ROBO1: variants seen among roughly 807,000 people sequenced by gnomAD.
ROBO1 encodes the protein roundabout guidance receptor 1.
A neutral mutation model predicts 195.9 loss-of-function variants in ROBO1; 149 were observed. The observed-to-expected ratio is 0.76, with a 90% CI of 0.67 to 0.87. ROBO1 has a LOEUF of 0.87. Among genes scored for constraint, ROBO1 ranks in the 40% least tolerant of loss-of-function variants. The pLI is 0.00. For synonymous variants in ROBO1, 816 were observed against 733.2 expected (o/e 1.11, Z -1.82); for missense variants, 1,933 against 2,068.3 (o/e 0.93, Z 1.27).
At chr3:78,925,186 T>G (rs2039142024) in intron 4 of ROBO1, among the ~76,000 whole-genome samples, 1 of 152,152 alleles carries the variant, frequency 6.6e-6, no homozygotes, top group South Asian at 2.1e-4. Flanking sequence ...TTATTTCTAG[T>G]GATGTCCATC....
chr3:79,128,790 A>G (rs1188046639), intron 2 of ROBO1, among the ~76,000 whole-genome samples: 1 of 152,112 alleles, frequency 6.6e-6, no homozygotes, highest in Non-Finnish European at 1.5e-5. Context: ...TTCCAATTTT[A>G]TAATTAAGTC....
In ROBO1 at chr3:79,372,959, GT is replaced by G. The variant is rs139222508; in HGVS notation, c.88+216864del. On this transcript the variant is annotated intron_variant, in intron 2 of 30. Transcript: ENST00000464233. ...GTACATGCGCAGGTTTGTTATATGG[GT>G]TTATCAGGTAATACTGGGGTTTGGG... is the stretch of plus-strand genomic sequence containing the variant. Among the ~76,000 whole-genome samples, 571 of 151,736 alleles carry G rather than the reference GT, an allele frequency of 3.8e-3. 4 individuals carry two copies. The highest frequency in any genetic ancestry group is 0.013 in the African/African-American group (533 of 41,338).
intron 2 of ROBO1, among the ~76,000 whole-genome samples, chr3:79,161,946 C>A (rs2080974618): frequency 2.0e-5 from 3 of 152,138 alleles, no homozygotes; most frequent in African/African-American, 7.2e-5. Flanking sequence ...CTCTGATGAG[C>A]TGCAGTTATA....
chr3:78,826,928 T>C (rs951877259), intron 4 of ROBO1, among the ~76,000 whole-genome samples: 1 of 152,200 alleles, frequency 6.6e-6, no homozygotes, highest in African/African-American at 2.4e-5. Context: ...CCATCTTTAC[T>C]GGACAACAAT....
rs955225227 is a variant in ROBO1 at position 78,680,764 on chromosome 3, A to G, written c.1342+4982T>C. ...TGTAAACTAGTTCAACCATTGTGGA[A>G]GTCAGTGTGGCGATTCCTCAGGGAT... On this transcript the variant is annotated intron_variant, in intron 10 of 30. Coordinates refer to ENST00000464233, the MANE Select transcript of ROBO1 (RefSeq NM_002941.4). Among the ~76,000 whole-genome samples the G allele has an allele frequency of 6.0e-4, 88 of 146,694 alleles. No homozygotes were observed. In the East Asian group the frequency reaches 0.012, roughly 20 times the overall value.
Position 78,667,954 on chromosome 3 carries a change from A to G in ROBO1, c.1895T>C (p.Phe632Ser). 6.2e-7 allele frequency: 1 copy of G among 1,613,798 alleles called. No homozygotes were observed. The highest frequency in any genetic ancestry group is 8.5e-7 in the Non-Finnish European group (1 of 1,179,772). ...ATATGCATTAGCTGCCCTCACAAGG[A>G]AAAGGTAAATTGCATTAGGTTTGAG... ...KGLKPNAIYL[F>S]LVRAANAYGI... The change falls in exon 14 of 31, where the codon TTC (phenylalanine) becomes TCC (serine). Residue 632 changes from phenylalanine (F) to serine (S), a missense_variant. Phe to Ser is a radical substitution (Grantham distance 155). This residue lies in a region of ROBO1 where 1,737 missense variants were observed against 1,882.5 expected (regional missense o/e 0.92). Transcript: ENST00000464233.
At chr3:79,599,210 T>TAA (rs779263035) in intron 1 of ROBO1, among the ~76,000 whole-genome samples, 2 of 152,054 alleles carry the variant, frequency 1.3e-5, no homozygotes, top group Non-Finnish European at 2.9e-5. Flanking sequence ...ATTGACATCT[T>TAA]CAAATAAAGT....
intron 1 of ROBO1, among the ~76,000 whole-genome samples, chr3:79,632,797 A>T (rs1945382966): frequency 6.6e-6 from 1 of 152,180 alleles, no homozygotes; most frequent in Non-Finnish European, 1.5e-5. Flanking sequence ...CAAAATTCAA[A>T]TCTCTTCCTC....
chr3:79,500,127 T>G (rs1415310069), intron 2 of ROBO1, among the ~76,000 whole-genome samples: 2 of 119,890 alleles, frequency 1.7e-5, no homozygotes, highest in African/African-American at 8.2e-5. Flanking sequence ...CTCTTTTTTT[T>G]TTTTTTTTTT....
intron 3 of ROBO1, among the ~76,000 whole-genome samples, chr3:79,035,682 G>C (rs563785280): frequency 6.6e-6 from 1 of 151,346 alleles, no homozygotes; most frequent in African/African-American, 2.4e-5. Flanking sequence ...AGTGAGCCAA[G>C]ACTGTGCAAC....
intron 2 of ROBO1, among the ~76,000 whole-genome samples, chr3:79,336,205 G>A (rs184864229): frequency 3.3e-5 from 5 of 152,314 alleles, no homozygotes; most frequent in Admixed American, 6.5e-5. Context: ...CATAAGTAAT[G>A]AGGAGTTGAA....
intron 19 of ROBO1, among the ~76,000 whole-genome samples, chr3:78,649,435 G>T (rs1706508916): frequency 1.3e-5 from 2 of 152,100 alleles, no homozygotes; most frequent in African/African-American, 4.8e-5. Context: ...TGTGGACAGG[G>T]GGTACCCAGC....
At chr3:79,430,951 A>G (rs1347168153) in intron 2 of ROBO1, among the ~76,000 whole-genome samples, 1 of 152,120 alleles carries the variant, frequency 6.6e-6, no homozygotes, top group Non-Finnish European at 1.5e-5. Flanking sequence ...TTGGAAGTAT[A>G]AGTATTTGTA....
chr3:79,213,969 G>A (rs1199422333), intron 2 of ROBO1, among the ~76,000 whole-genome samples: 2 of 151,716 alleles, frequency 1.3e-5, no homozygotes, highest in African/African-American at 4.8e-5. Context: ...GGGATTACGG[G>A]TGCGCACCAC....
chr3:79,501,555 CTG>C (rs1323590716), intron 2 of ROBO1, among the ~76,000 whole-genome samples: 2 of 152,220 alleles, frequency 1.3e-5, no homozygotes, highest in African/African-American at 4.8e-5. Flanking sequence ...GCAGATCAAA[CTG>C]AGGTGAAAGA....
At chr3:78,748,767 A>C (rs771249237) in intron 4 of ROBO1, among the ~76,000 whole-genome samples, 1 of 151,958 alleles carries the variant, frequency 6.6e-6, no homozygotes, top group Admixed American at 6.6e-5. Context: ...CTGAATATTA[A>C]GACAACTTGG....
intron 3 of ROBO1, among the ~76,000 whole-genome samples, chr3:79,060,669 T>C (rs561539228): frequency 6.6e-6 from 1 of 152,190 alleles, no homozygotes; most frequent in South Asian, 2.1e-4. Context: ...GTTGGCTTTA[T>C]CCCTGGGATG....
At chr3:79,422,818 A>G (rs569755076) in intron 2 of ROBO1, among the ~76,000 whole-genome samples, 15 of 152,270 alleles carry the variant, frequency 9.9e-5, no homozygotes, top group Admixed American at 7.2e-4. Context: ...TAGAATCAAG[A>G]GTACTTTATC....
intron 2 of ROBO1, among the ~76,000 whole-genome samples, chr3:79,284,860 T>TA (rs1243275825): frequency 6.6e-6 from 1 of 152,098 alleles, no homozygotes. Flanking sequence ...AATAAGGTGA[T>TA]AAAATGCCAC....
Sources: allele counts gnomAD v4.1 joint callset (sites outside exome capture counted in the v4.1 genomes callset), GRCh38; gene constraint gnomAD v4.1.1; regional missense constraint gnomAD v4.1.1; transcripts MANE v1.5; gene names NCBI Gene and HGNC (gene_info 2026-07-23, HGNC 2026-07-21).